Variants in GNL2 observed in about 807,000 individuals in gnomAD.
The protein encoded by GNL2 is G protein nucleolar 2.
In GNL2, 51 loss-of-function variants were observed where a neutral mutation model predicts 92.3. The ratio of observed to expected loss-of-function variants is 0.55; its 90% CI spans 0.44 to 0.70. The LOEUF (loss-of-function observed/expected upper bound fraction) is 0.70. Ranked by LOEUF, GNL2 falls within the 30% of genes least tolerant of loss-of-function variation. The probability of loss-of-function intolerance (pLI) is 0.00; values close to 1 mark genes in which losing one functional copy is unlikely to be tolerated. For missense variants in GNL2, 844 were observed against 895.6 expected, an observed-to-expected ratio of 0.94 and a Z score of 0.74; for synonymous variants, 283 against 300.6, an observed-to-expected ratio of 0.94 and a Z score of 0.61.
rs774348248 is a variant in GNL2 at position 37,587,478 on chromosome 1, A to G, written c.402T>C (p.Ile134=). The G allele has an allele frequency of 2.5e-6, 4 of 1,610,902 alleles. No individual in the cohort carries two copies. In the East Asian group the frequency reaches 6.7e-5, roughly 27 times the overall value. Residue 134 remains isoleucine (I), a synonymous_variant, in exon 5 of 16, where the codon ATT becomes ATC. Transcript: ENST00000373062. ...RIRPHNLKVH[I]LDTESFETTF... is the part of the protein sequence containing the mutation. ...TAGTTTCAAAACTTTCAGTATCAAG[A>G]ATGTGCACCTTCAAGTTCTGAAGAG...
In GNL2 at chr1:37,574,790, G is replaced by T; in HGVS notation, c.1177C>A (p.His393Asn). The T allele has an allele frequency of 1.2e-6, 2 of 1,612,966 alleles. No individual in the cohort carries two copies. Among genetic ancestry groups the T allele is most frequent in the Non-Finnish European group, 1.7e-6 (2 of 1,179,022 alleles). The change falls in exon 11 of 16, where the codon CAC becomes AAC. Residue 393 changes from histidine to asparagine, a missense_variant. Physicochemically the swap from His to Asn is moderately conservative, Grantham distance 68. Coordinates refer to ENST00000373062, the MANE Select transcript of GNL2 (RefSeq NM_013285.3). ...QVEKIKSPED[H>N]IGAVLERAKP... is the part of the protein sequence containing the mutation. ...GCTCGTTCAAGTACAGCACCAATGT[G>T]GTCTTCAGGACTCTTAATTTTTTCT... is the stretch of plus-strand genomic sequence containing the variant.
intron 8 of GNL2, among the ~76,000 whole-genome samples, chr1:37,577,958 T>C (rs10908358): frequency 0.014 from 2,061 of 152,310 alleles, 88 homozygotes; most frequent in Admixed American, 0.088. Flanking sequence ...GAATGATTAA[T>C]TGAAAATCTA....
In GNL2 at chr1:37,569,840, G is replaced by A. The variant is rs1330042375; in HGVS notation, c.1417-538C>T. Reference sequence around the variant, plus strand: ...CCATGTGTTGTGGGAAGGACCGGGTGGGAGGTAATTGAATTATGGGGGCAG... The same window carrying A: ...CCATGTGTTGTGGGAAGGACCGGGTAGGAGGTAATTGAATTATGGGGGCAG... On this transcript the variant is annotated intron_variant, in intron 12 of 15. Transcript: ENST00000373062. The A allele has an allele frequency of 2.6e-5, 4 of 152,972 alleles. No homozygotes were observed. The East Asian group carries it at 5.8e-4, about 22-fold the overall frequency. 9.5% of individuals were successfully genotyped at this position (152,972 alleles called of 1,614,324 possible).
intron 8 of GNL2, among the ~76,000 whole-genome samples, chr1:37,579,624 G>T (rs373771215): frequency 6.6e-6 from 1 of 151,904 alleles, no homozygotes; most frequent in African/African-American, 2.4e-5. Context: ...TAGGCCAGGT[G>T]CAGTGGCTCA....
At chr1:37,580,111 CAA>C (rs990447148) in intron 8 of GNL2, among the ~76,000 whole-genome samples, 2 of 152,058 alleles carry the variant, frequency 1.3e-5, no homozygotes, top group Non-Finnish European at 2.9e-5. Flanking sequence ...AATTTTAGAA[CAA>C]GAGAAATTTT....
In GNL2 at chr1:37,587,073, C is replaced by T. The variant is rs1643859745; in HGVS notation, c.569+238G>A. Among the ~76,000 whole-genome samples, 3 of 152,062 alleles carry T rather than the reference C, an allele frequency of 2.0e-5. No individual in the cohort carries two copies. In the South Asian group the frequency reaches 6.2e-4, roughly 32 times the overall value. On this transcript the variant is annotated intron_variant, in intron 5 of 15. Coordinates refer to ENST00000373062, the MANE Select transcript of GNL2 (RefSeq NM_013285.3). ...CCTGAGCTCACGAGTTCAAGACTAG[C>T]CTGGGCAACACGGTGAAACCTTGTC...
intron 13 of GNL2, 158 bp from the exon 14 acceptor site, chr1:37,568,515 C>T (rs1463109037): frequency 6.5e-6 from 4 of 614,414 alleles, no homozygotes; most frequent in Non-Finnish European, 1.2e-5. Context: ...TTTGTACCTC[C>T]CTGGGTGTTT....
intron 15 of GNL2, 29 bp from the exon 16 acceptor site, chr1:37,567,036 A>G (rs768934391): frequency 4.4e-6 from 7 of 1,599,950 alleles, no homozygotes; most frequent in Non-Finnish European, 6.0e-6. Flanking sequence ...AAAGATGAAG[A>G]AAAAAAACAA....
intron 8 of GNL2, among the ~76,000 whole-genome samples, chr1:37,579,757 G>A (rs1244304192): frequency 2.7e-5 from 4 of 150,720 alleles, no homozygotes; most frequent in African/African-American, 9.8e-5. Flanking sequence ...TTAGCTGCGC[G>A]TTGTGGCGTG....
intron 8 of GNL2, among the ~76,000 whole-genome samples, chr1:37,580,602 A>T (rs1643751181): frequency 1.3e-5 from 2 of 152,194 alleles, no homozygotes; most frequent in Admixed American, 1.3e-4. Context: ...CAGCCATGGG[A>T]ATTCTCTGGA....
At chr1:37,567,529 C>T (rs554384633) in intron 15 of GNL2, 144 bp downstream of exon 15, 1 of 666,864 alleles carries the variant, frequency 1.5e-6, no homozygotes, top group East Asian at 2.5e-5. Context: ...TGGGCCAGAC[C>T]CGACCCTATT....
intron 5 of GNL2, among the ~76,000 whole-genome samples, chr1:37,584,288 A>G (rs1643817630): frequency 6.6e-6 from 1 of 151,974 alleles, no homozygotes; most frequent in Non-Finnish European, 1.5e-5. Context: ...ATCTCCACAA[A>G]AAATACAAAA....
Position 37,567,682 on chromosome 1 carries a change from T to C in GNL2, c.2034A>G (p.Thr678=), listed in dbSNP as rs1052837135. Reference sequence around the variant, plus strand: ...AACCTATGACACTTACTTCTTTTGATGTAAGCGCCCTGGGAGCTTTATTTG... The same window carrying C: ...AACCTATGACACTTACTTCTTTTGACGTAAGCGCCCTGGGAGCTTTATTTG... ...EHSNKAPRAL[T]SKERRRAVRQ... The change falls in exon 15 of 16, where the codon ACA becomes ACG. Residue 678 remains threonine, a synonymous_variant. Transcript: ENST00000373062. The C allele has an allele frequency of 4.4e-6, 7 of 1,604,992 alleles. No homozygotes were observed. Among genetic ancestry groups the C allele is most frequent in the East Asian group, 4.5e-5 (2 of 44,864 alleles).
intron 8 of GNL2, among the ~76,000 whole-genome samples, chr1:37,581,033 T>C (rs1643758476): frequency 6.6e-6 from 1 of 152,084 alleles, no homozygotes; most frequent in South Asian, 2.1e-4. Context: ...GAATGAATAA[T>C]ACTGTAACCC....
Position 37,567,653 on chromosome 1 carries a change from T to G in GNL2, c.2043+20A>C, listed in dbSNP as rs1570045411. 4 of 1,533,378 alleles carry G rather than the reference T, an allele frequency of 2.6e-6. No individual in the cohort carries two copies. In the East Asian group the frequency reaches 6.7e-5, roughly 26 times the overall value. The allele number at this position is 1,533,378 out of a possible 1,614,324, so 95.0% of individuals were successfully genotyped here. On this transcript the variant is annotated intron_variant, in intron 15 of 15. Transcript: ENST00000373062. ...TCTAGTTACTCTACTTGGGCCATACTTAAAACCTATGACACTTACTTCTTT... is the reference window on the plus strand; with the variant it reads ...TCTAGTTACTCTACTTGGGCCATACGTAAAACCTATGACACTTACTTCTTT...
chr1:37,587,513 T>C lies in GNL2; in HGVS notation c.385-18A>G, dbSNP rs765177137. 5 of 1,561,474 alleles carry C rather than the reference T, an allele frequency of 3.2e-6. No homozygotes were observed. In the South Asian group the frequency reaches 5.7e-5, roughly 18 times the overall value. On this transcript the variant is annotated intron_variant, in intron 4 of 15. Transcript: ENST00000373062. Reference sequence around the variant, plus strand: ...TTCAAGTTCTGAAGAGAAAGGAGAATAACAGGTAAAACTAAGAAAAGCACT... The same window carrying C: ...TTCAAGTTCTGAAGAGAAAGGAGAACAACAGGTAAAACTAAGAAAAGCACT...
chr1:37,567,125 G>A (rs1437458234), intron 15 of GNL2, 118 bp from the exon 16 acceptor site: 1 of 1,033,414 alleles, frequency 9.7e-7, no homozygotes, highest in Non-Finnish European at 1.4e-6. Flanking sequence ...TGCTTCCACA[G>A]CTACTGGAAG....
Position 37,582,771 on chromosome 1 carries a change from T to A in GNL2, c.795+7A>T, listed in dbSNP as rs750530728. 1.0e-5 allele frequency: 16 copies of A among 1,607,510 alleles called. No individual in the cohort carries two copies. Among genetic ancestry groups the A allele is most frequent in the African/African-American group, 1.3e-5 (1 of 74,774 alleles). On this transcript the variant is annotated splice_region_variant and intron_variant, in intron 7 of 15. Coordinates refer to ENST00000373062, the MANE Select transcript of GNL2 (RefSeq NM_013285.3). ...ATAGTCTATTCTGGTTTAGTAGTTG[T>A]ACTTACTGTTGCCCAGGTTGGAACA... is the stretch of plus-strand genomic sequence containing the variant.
intron 13 of GNL2, 123 bp downstream of exon 13, chr1:37,568,728 C>T: frequency 1.3e-6 from 1 of 763,430 alleles, no homozygotes; most frequent in Non-Finnish European, 2.2e-6. Context: ...AACAAACAAA[C>T]AAAAAACCCA....
Sources: allele counts gnomAD v4.1 joint callset (sites outside exome capture counted in the v4.1 genomes callset), GRCh38; gene constraint gnomAD v4.1.1; transcripts MANE v1.5; gene names NCBI Gene and HGNC (gene_info 2026-07-23, HGNC 2026-07-21).